Variants in SLC39A8 observed in about 807,000 individuals in gnomAD.
SLC39A8 encodes solute carrier family 39 member 8.
Under a neutral mutation model 40.4 loss-of-function variants are expected in SLC39A8, and 15 were observed. The observed-to-expected ratio is 0.37, with a 90% CI of 0.25 to 0.57. The LOEUF is 0.57. Among genes scored for constraint, SLC39A8 ranks in the 20% least tolerant of loss-of-function variants. SLC39A8 has a pLI of 0.75. For synonymous variants in SLC39A8, 223 were observed against 221.6 expected (o/e 1.01, Z -0.06); for missense variants, 472 against 558.8 (o/e 0.84, Z 1.57).
At chr4:102,275,419 CAAG>C (rs1472509155) in intron 6 of SLC39A8, among the ~76,000 whole-genome samples, 1 of 151,978 alleles carries the variant, frequency 6.6e-6, no homozygotes, top group African/African-American at 2.4e-5. Flanking sequence ...ATCAATGCAG[CAAG>C]AAGAGCTAAC....
At chr4:102,320,394 GT>G (rs1560561310) in intron 2 of SLC39A8, among the ~76,000 whole-genome samples, 19 of 82,028 alleles carry the variant, frequency 2.3e-4, no homozygotes, top group African/African-American at 8.3e-4. Flanking sequence ...ATATATATGA[GT>G]ATATATATAT....
chr4:102,282,011 T>A (rs532475994), intron 6 of SLC39A8, among the ~76,000 whole-genome samples: 1 of 152,338 alleles, frequency 6.6e-6, no homozygotes, highest in African/African-American at 2.4e-5. Context: ...ACATATACCA[T>A]CGTTTAATCT....
chr4:102,304,514 G>A lies in SLC39A8; in HGVS notation c.676-33C>T, dbSNP rs370191623. 8.0e-5 allele frequency: 124 copies of A among 1,551,504 alleles called. No individual in the cohort carries two copies. In the African/African-American group the frequency reaches 1.5e-3, roughly 19 times the overall value. On this transcript the variant is annotated intron_variant, in intron 5 of 8. Coordinates refer to ENST00000356736, the MANE Select transcript of SLC39A8 (RefSeq NM_001135146.2). ...GGAACAAAAACCAAAGAGATTATAA[G>A]AAGAAAAAAGATGATTCATACAGAC...
intron 3 of SLC39A8, among the ~76,000 whole-genome samples, chr4:102,311,765 T>A (rs143498148): frequency 6.6e-6 from 1 of 152,134 alleles, no homozygotes; most frequent in African/African-American, 2.4e-5. Context: ...GAAATTTTAC[T>A]GTCTACCCAC....
At chr4:102,337,296 T>C (rs183308782) in intron 2 of SLC39A8, among the ~76,000 whole-genome samples, 18 of 151,482 alleles carry the variant, frequency 1.2e-4, no homozygotes, top group Non-Finnish European at 2.9e-5. Flanking sequence ...AAACAATTAT[T>C]ATGGTTGAAA....
intron 2 of SLC39A8, among the ~76,000 whole-genome samples, chr4:102,337,735 C>T (rs1002992379): frequency 6.6e-6 from 1 of 151,954 alleles, no homozygotes; most frequent in African/African-American, 2.4e-5. Flanking sequence ...ATTCATTGGC[C>T]GAAAACTTCT....
intron 8 of SLC39A8, among the ~76,000 whole-genome samples, chr4:102,264,708 C>T (rs909440761): frequency 6.6e-6 from 1 of 152,260 alleles, no homozygotes; most frequent in African/African-American, 2.4e-5. Context: ...AGTGTAGTCA[C>T]CTTCATCAGT....
chr4:102,326,509 C>T (rs999504644), intron 2 of SLC39A8, among the ~76,000 whole-genome samples: 3 of 152,034 alleles, frequency 2.0e-5, no homozygotes, highest in Admixed American at 2.0e-4. Flanking sequence ...TGCAGTGAGC[C>T]GAGATCGCGC....
rs1259563436 is a variant in SLC39A8, at chr4:102,262,640, A to G, written c.*404T>C. ...AGCACTAGAACAAATTAATTGAAAT[A>G]AAACCTCTCTGAAACCATTTGAATC... On this transcript the variant is annotated 3_prime_UTR_variant, in exon 9 of 9. Transcript: ENST00000356736. 5.1e-6 allele frequency: 5 copies of G among 987,748 alleles called. No homozygotes were observed. The highest frequency in any genetic ancestry group is 6.0e-6 in the Non-Finnish European group (5 of 831,558). The allele number at this position is 987,748 out of a possible 1,614,324, so 61.2% of individuals were successfully genotyped here.
intron 6 of SLC39A8, among the ~76,000 whole-genome samples, chr4:102,284,428 T>G (rs1733059353): frequency 6.6e-6 from 1 of 152,198 alleles, no homozygotes; most frequent in Admixed American, 6.5e-5. Flanking sequence ...TCTGTCTAGT[T>G]TGTCATGGAA....
chr4:102,293,858 T>C (rs1733564943), intron 6 of SLC39A8, among the ~76,000 whole-genome samples: 2 of 151,428 alleles, frequency 1.3e-5, no homozygotes, highest in Admixed American at 1.3e-4. Flanking sequence ...TCTTTATAGC[T>C]GACTAAAAAC....
At chr4:102,264,309 C>T (rs552448147) in intron 8 of SLC39A8, among the ~76,000 whole-genome samples, 2 of 152,284 alleles carry the variant, frequency 1.3e-5, no homozygotes, top group Admixed American at 6.5e-5. Flanking sequence ...TCCATAAGAG[C>T]TCTTAGGTGA....
chr4:102,281,806 G>A (rs978913132), intron 6 of SLC39A8, among the ~76,000 whole-genome samples: 2 of 152,130 alleles, frequency 1.3e-5, no homozygotes, highest in African/African-American at 4.8e-5. Flanking sequence ...AGGGTACCAG[G>A]ACCACATTCC....
chr4:102,329,199 A>G (rs1317807833), intron 2 of SLC39A8, among the ~76,000 whole-genome samples: 1 of 152,134 alleles, frequency 6.6e-6, no homozygotes, highest in Non-Finnish European at 1.5e-5. Flanking sequence ...AAAAGTAGAA[A>G]TAAGGCTGGA....
rs185810700 is a variant in SLC39A8, at chr4:102,317,526, C to A, written c.220-1696G>T. Among the ~76,000 whole-genome samples, 331 of 152,164 alleles carry A rather than the reference C, an allele frequency of 2.2e-3. 5 individuals are homozygous for A. The highest frequency in any genetic ancestry group is 0.014 in the Admixed American group (215 of 15,258). On this transcript the variant is annotated intron_variant, in intron 2 of 8. Coordinates refer to ENST00000356736, the MANE Select transcript of SLC39A8 (RefSeq NM_001135146.2). ...AATAAACTAATGGAGGGAGAAAATA[C>A]CTCAAGATTTAATTGGGGAAGGGAA...
intron 2 of SLC39A8, among the ~76,000 whole-genome samples, chr4:102,341,208 G>A (rs2149057870): frequency 6.6e-6 from 1 of 151,960 alleles, no homozygotes; most frequent in South Asian, 2.1e-4. Context: ...ACAGGAGATG[G>A]GCTGCAAGAT....
intron 2 of SLC39A8, among the ~76,000 whole-genome samples, chr4:102,319,577 C>G (rs1254203907): frequency 6.6e-6 from 1 of 152,132 alleles, no homozygotes; most frequent in Non-Finnish European, 1.5e-5. Flanking sequence ...CAAAATCCCC[C>G]CTACCCTTAA....
At chr4:102,302,622 T>C (rs1364830876) in intron 6 of SLC39A8, among the ~76,000 whole-genome samples, 1 of 152,014 alleles carries the variant, frequency 6.6e-6, no homozygotes, top group Non-Finnish European at 1.5e-5. Flanking sequence ...CAGCAAAGTA[T>C]ATAAGAACAC....
chr4:102,256,994 A>T (rs570764981), downstream of SLC39A8, among the ~76,000 whole-genome samples: 8 of 152,286 alleles, frequency 5.3e-5, no homozygotes, highest in South Asian at 1.7e-3. Flanking sequence ...AAAGGAGGGG[A>T]ATCTACAGGC....
Sources: gnomAD v4.1 joint callset for allele counts (sites outside exome capture counted in the v4.1 genomes callset) on GRCh38, gnomAD v4.1.1 for gene constraint, MANE v1.5 for transcripts, NCBI Gene and HGNC (gene_info 2026-07-23, HGNC 2026-07-21) for gene names.